ADH4: variants seen among roughly 807,000 people sequenced by gnomAD.
The protein encoded by ADH4 is all-trans-retinol dehydrogenase [NAD(+)] ADH4.
A neutral mutation model predicts 35.2 loss-of-function variants in ADH4; 31 were observed. That is an observed-to-expected ratio of 0.88 (90% CI 0.66 to 1.19). The LOEUF (loss-of-function observed/expected upper bound fraction) is 1.19. Ranked by LOEUF, ADH4 falls within the 50% of genes most tolerant of loss-of-function variation. The pLI, the probability that ADH4 is intolerant of heterozygous loss-of-function variation, is 0.00. For synonymous variants in ADH4, 171 were observed against 160.2 expected, an observed-to-expected ratio of 1.07 and a Z score of -0.51; for missense variants, 476 against 458.3, an observed-to-expected ratio of 1.04 and a Z score of -0.35.
At chr4:99,130,394 G>C (rs1290000973) in intron 6 of ADH4, among the ~76,000 whole-genome samples, 1 of 152,184 alleles carries the variant, frequency 6.6e-6, no homozygotes, top group Non-Finnish European at 1.5e-5. Context: ...CTCCTTAAAA[G>C]GGTCCTTAGC....
chr4:99,136,778 G>A, intron 4 of ADH4, 81 bp from the exon 5 acceptor site: 2 of 881,856 alleles, frequency 2.3e-6, no homozygotes, highest in Non-Finnish European at 3.5e-6. Context: ...TACAAAATAT[G>A]TTGAGCATTA....
In ADH4 at chr4:99,127,167, C is replaced by G. The variant is rs773792758; in HGVS notation, c.979+42G>C. 6 of 1,520,888 alleles carry G rather than the reference C, an allele frequency of 3.9e-6. No homozygotes were observed. In the South Asian group the frequency reaches 7.5e-5, roughly 19 times the overall value. 94.2% of individuals were successfully genotyped at this position (1,520,888 alleles called of 1,614,324 possible). A position where few individuals can be genotyped will look rare whatever the true frequency, so the allele number is the denominator to read the frequency against. On this transcript the variant is annotated intron_variant, in intron 7 of 8. Coordinates refer to ENST00000265512, the MANE Select transcript of ADH4 (RefSeq NM_000670.5). ...CTTCACTCTAAGAATTTCAGAACTACTAGGAAAAGAATTTAAAGCTATGAA... is the reference window on the plus strand; with the variant it reads ...CTTCACTCTAAGAATTTCAGAACTAGTAGGAAAAGAATTTAAAGCTATGAA...
In ADH4 at chr4:99,127,336, G is replaced by T; in HGVS notation, c.852C>A (p.Ala284=). The part of the protein sequence containing the change: ...CAGGSETMKA[A]LDCTTAGWGS... ...CCCAGCCTGCGGTTGTACAGTCCAG[G>T]GCTGCTTTCTGTGATGGAGCATAAA... is the stretch of plus-strand genomic sequence containing the variant. Residue 284 remains alanine, a synonymous_variant, in exon 7 of 9, where the codon GCC becomes GCA. Transcript: ENST00000265512. 1 of 1,593,770 alleles carries T rather than the reference G, an allele frequency of 6.3e-7. No individual in the cohort carries two copies. The highest frequency in any genetic ancestry group is 8.5e-7 in the Non-Finnish European group (1 of 1,171,884).
intron 5 of ADH4, among the ~76,000 whole-genome samples, chr4:99,135,749 CTTG>C (rs1272538517): frequency 2.0e-5 from 3 of 152,140 alleles, no homozygotes; most frequent in African/African-American, 4.8e-5. Context: ...AATCTTCAGA[CTTG>C]TTGTTTGAAA....
rs755442746 is a variant in ADH4, at chr4:99,136,424, T to C, written c.582+42A>G. 9.1e-6 allele frequency: 14 copies of C among 1,533,416 alleles called. No individual in the cohort carries two copies. In the East Asian group the frequency reaches 2.0e-4, roughly 22 times the overall value. 95.0% of individuals were successfully genotyped at this position (1,533,416 alleles called of 1,614,324 possible). On this transcript the variant is annotated intron_variant, in intron 5 of 8. Coordinates refer to ENST00000265512, the MANE Select transcript of ADH4 (RefSeq NM_000670.5). ...AGTTCATCTGTATCACACTGCCTCC[T>C]AGTAACTTCTGTTTTACACAAACTG... is the stretch of plus-strand genomic sequence containing the variant.
In ADH4 at chr4:99,131,682, G is replaced by T. The variant is rs749666970; in HGVS notation, c.665C>A (p.Ala222Asp). The T allele has an allele frequency of 1.2e-6, 2 of 1,614,126 alleles. No individual in the cohort carries two copies. Among genetic ancestry groups the T allele is most frequent in the South Asian group, 2.2e-5 (2 of 91,082 alleles). Reference protein sequence around the residue: ...SAVMGCKAAGASRIIGIDINS... With the variant: ...SAVMGCKAAGDSRIIGIDINS... The stretch of plus-strand genomic sequence containing the variant: ...GATGTCAATACCTATGATTCTGGAA[G>T]CTCCTGCTGCTTTACAACCCATTAC... Residue 222 changes from alanine (A) to aspartate (D), a missense_variant, in exon 6 of 9, where the codon GCT becomes GAT. Coordinates refer to ENST00000265512, the MANE Select transcript of ADH4 (RefSeq NM_000670.5).
At position 99,139,260 on chromosome 4, in the gene ADH4, G is replaced by T; in HGVS notation, c.263-112C>A. The T allele has an allele frequency of 1.4e-5, 9 of 654,570 alleles. No individual in the cohort carries two copies. In the South Asian group the frequency reaches 1.6e-4, roughly 12 times the overall value. The allele number at this position is 654,570 out of a possible 1,614,324, so 40.5% of individuals were successfully genotyped here. Reference sequence around the variant, plus strand: ...TATAGTATACATTTTATATTCAGTGGAAAGTATAGGTGGCTACAGTATTTC... The same window carrying T: ...TATAGTATACATTTTATATTCAGTGTAAAGTATAGGTGGCTACAGTATTTC... On this transcript the variant is annotated intron_variant, in intron 3 of 8. Transcript: ENST00000265512.
chr4:99,127,202 A>G lies in ADH4; in HGVS notation c.979+7T>C. ...AATTTAAAGCTATGAAGAAAAAAAA[A>G]ACTGACCACCAAAGAATGTTCCATT... On this transcript the variant is annotated splice_region_variant and intron_variant, in intron 7 of 8. Coordinates refer to ENST00000265512, the MANE Select transcript of ADH4 (RefSeq NM_000670.5). 1 of 1,586,616 alleles carries G rather than the reference A, an allele frequency of 6.3e-7. No individual in the cohort carries two copies. The highest frequency in any genetic ancestry group is 1.2e-5 in the South Asian group (1 of 84,828).
intron 6 of ADH4, among the ~76,000 whole-genome samples, chr4:99,128,665 CAT>C (rs1412063365): frequency 6.6e-6 from 1 of 151,838 alleles, no homozygotes; most frequent in African/African-American, 2.4e-5. Context: ...TATAGGAAAA[CAT>C]GTTTCTAAAA....
chr4:99,141,434 C>T (rs1206960442), intron 3 of ADH4, 107 bp downstream of exon 3: 19 of 1,072,984 alleles, frequency 1.8e-5, no homozygotes, highest in African/African-American at 3.2e-5. Flanking sequence ...AAAGATGGTC[C>T]CCTTTTGTAA....
Position 99,128,003 on chromosome 4 carries a change from C to CTT in ADH4, c.844-661_844-660dup, listed in dbSNP as rs531060104. On this transcript the variant is annotated intron_variant, in intron 6 of 8. Transcript: ENST00000265512. ...CCCAGCCAAATCTATCGTTGTGTGA[C>CTT]TTTTTTTTTTTTGACAAATAAGACT... Among the ~76,000 whole-genome samples the CTT allele has an allele frequency of 3.1e-3, 449 of 146,790 alleles. 7 individuals carry two copies. The highest frequency in any genetic ancestry group is 0.011 in the African/African-American group (426 of 40,204).
At chr4:99,138,952 T>C (rs1318214487) in intron 4 of ADH4, 109 bp downstream of exon 4, 1 of 693,944 alleles carries the variant, frequency 1.4e-6, no homozygotes, top group South Asian at 2.0e-5. Context: ...AGGATTAGAA[T>C]TAGTGGGTGG....
intron 6 of ADH4, among the ~76,000 whole-genome samples, chr4:99,128,843 A>G (rs998119173): frequency 5.3e-5 from 8 of 151,962 alleles, no homozygotes; most frequent in African/African-American, 1.9e-4. Flanking sequence ...TCTGTTGCCC[A>G]GGCTACAGTG....
Position 99,127,315 on chromosome 4 carries a change from G to C in ADH4, c.873C>G (p.Gly291=), listed in dbSNP as rs755804627. Residue 291 remains glycine (G), a synonymous_variant, in exon 7 of 9, where the codon GGC becomes GGG. Transcript: ENST00000265512. Reference sequence around the variant, plus strand: ...CTCCAATGAAAGTACATGATCCCCAGCCTGCGGTTGTACAGTCCAGGGCTG... The same window carrying C: ...CTCCAATGAAAGTACATGATCCCCACCCTGCGGTTGTACAGTCCAGGGCTG... ...MKAALDCTTA[G]WGSCTFIGVA... 1 of 1,612,258 alleles carries C rather than the reference G, an allele frequency of 6.2e-7. No homozygotes were observed. Among genetic ancestry groups the C allele is most frequent in the South Asian group, 1.1e-5 (1 of 90,820 alleles).
intron 4 of ADH4, among the ~76,000 whole-genome samples, chr4:99,138,342 G>C (rs928956441): frequency 4.6e-5 from 7 of 152,168 alleles, no homozygotes. Flanking sequence ...ATAGATGTAA[G>C]AGTAGTACAA....
chr4:99,136,355 G>A, intron 5 of ADH4, 111 bp downstream of exon 5: 1 of 821,332 alleles, frequency 1.2e-6, no homozygotes, highest in East Asian at 2.5e-5. Context: ...TAAAATCACA[G>A]AGGTAATAAA....
At chr4:99,144,051 C>T in intron 1 of ADH4, 154 bp downstream of exon 1, 1 of 760,740 alleles carries the variant, frequency 1.3e-6, no homozygotes, top group Non-Finnish European at 2.1e-6. Flanking sequence ...CAGTTAATTT[C>T]CCTAGAATAA....
At chr4:99,126,548 A>C (rs369761350) in intron 8 of ADH4, 46 bp downstream of exon 8, 4 of 1,527,900 alleles carry the variant, frequency 2.6e-6, no homozygotes, top group Non-Finnish European at 3.6e-6. Flanking sequence ...AGATAGAATC[A>C]TTGTAAACGT....
chr4:99,131,668 C>T lies in ADH4; in HGVS notation c.679G>A (p.Gly227Ser). 1 of 1,614,140 alleles carries T rather than the reference C, an allele frequency of 6.2e-7. No homozygotes were observed. Among genetic ancestry groups the T allele is most frequent in the Non-Finnish European group, 8.5e-7 (1 of 1,180,002 alleles). Residue 227 changes from glycine (G) to serine (S), a missense_variant, in exon 6 of 9, where the codon GGT becomes AGT. By Grantham distance (56) the Gly-to-Ser change is moderately conservative. Coordinates refer to ENST00000265512, the MANE Select transcript of ADH4 (RefSeq NM_000670.5). ...CKAAGASRII[G>S]IDINSEKFVK... ...AACTTCTCACTGTTGATGTCAATAC[C>T]TATGATTCTGGAAGCTCCTGCTGCT...
Sources: allele counts gnomAD v4.1 joint callset (sites outside exome capture counted in the v4.1 genomes callset), GRCh38; gene constraint gnomAD v4.1.1; transcripts MANE v1.5; gene names NCBI Gene and HGNC (gene_info 2026-07-23, HGNC 2026-07-21).